The following CSMD1 variants were observed in gnomAD, a reference collection of about 807,000 sequenced individuals.
CSMD1 encodes the protein CUB and Sushi multiple domains 1, also known as CUB and sushi domain-containing protein 1.
Under a neutral mutation model 417.5 loss-of-function variants are expected in CSMD1, and 213 were observed. That is an observed-to-expected ratio of 0.51 (90% CI 0.46 to 0.57). CSMD1 has a LOEUF of 0.57. CSMD1 is among the 20% of genes least tolerant of loss of function. CSMD1 has a pLI of 0.00. For missense variants in CSMD1, 6,923 were observed against 4,529.7 expected (o/e 1.53, Z -15.17); for synonymous variants, 2,862 against 1,736.8 (o/e 1.65, Z -16.11).
At chr8:3,193,620 C>T (rs985755741) in intron 33 of CSMD1, among the ~76,000 whole-genome samples, 7 of 152,186 alleles carry the variant, frequency 4.6e-5, no homozygotes, top group South Asian at 4.2e-4. Flanking sequence ...ATATTTCACA[C>T]TGCTGTGAAG....
chr8:4,449,042 TA>T (rs1003592379), intron 2 of CSMD1, among the ~76,000 whole-genome samples: 79 of 152,262 alleles, frequency 5.2e-4, no homozygotes, highest in African/African-American at 1.9e-3. Context: ...GGTTCTTGAG[TA>T]AAAGGCCCAC....
At chr8:3,390,477 A>T (rs1390317611) in intron 17 of CSMD1, among the ~76,000 whole-genome samples, 1 of 151,802 alleles carries the variant, frequency 6.6e-6, no homozygotes. Flanking sequence ...ACCTTGTGGG[A>T]AAGGTAGGGC....
intron 40 of CSMD1, among the ~76,000 whole-genome samples, chr8:3,146,240 T>A (rs1818836999): frequency 6.6e-6 from 1 of 152,106 alleles, no homozygotes; most frequent in Non-Finnish European, 1.5e-5. Flanking sequence ...CTGTTAACTG[T>A]GCCCTTAGAC....
At chr8:4,176,553 C>A (rs575906620) in intron 3 of CSMD1, among the ~76,000 whole-genome samples, 1 of 151,944 alleles carries the variant, frequency 6.6e-6, no homozygotes, top group Non-Finnish European at 1.5e-5. Flanking sequence ...TACTAATATA[C>A]CCCATTTTGG....
chr8:3,270,237 T>C (rs1801740036), intron 26 of CSMD1, among the ~76,000 whole-genome samples: 1 of 152,140 alleles, frequency 6.6e-6, no homozygotes, highest in Non-Finnish European at 1.5e-5. Context: ...TTTTTATTTT[T>C]AGTAGAGATG....
intron 1 of CSMD1, among the ~76,000 whole-genome samples, chr8:4,709,201 G>C (rs138918249): frequency 1.3e-5 from 2 of 152,278 alleles, no homozygotes; most frequent in East Asian, 1.9e-4. Flanking sequence ...CGAGAGAGAG[G>C]AATTCCTCGA....
At chr8:3,468,402 C>T (rs113623647) in intron 12 of CSMD1, among the ~76,000 whole-genome samples, 19 of 152,242 alleles carry the variant, frequency 1.2e-4, no homozygotes, top group African/African-American at 4.3e-4. Flanking sequence ...TTCAGAGACA[C>T]CAGCCAATAT....
intron 26 of CSMD1, among the ~76,000 whole-genome samples, chr8:3,269,226 T>A (rs1397676223): frequency 2.0e-5 from 3 of 152,244 alleles, no homozygotes; most frequent in Non-Finnish European, 2.9e-5. Context: ...TTTGGGCCTA[T>A]GCTGTTCACA....
intron 2 of CSMD1, among the ~76,000 whole-genome samples, chr8:4,549,167 A>AG (rs1797756852): frequency 6.6e-6 from 1 of 152,148 alleles, no homozygotes; most frequent in Non-Finnish European, 1.5e-5. Flanking sequence ...GACTGACTCA[A>AG]GGGATTCCTC....
chr8:4,138,228 G>A (rs1803557113), intron 3 of CSMD1, among the ~76,000 whole-genome samples: 1 of 122,954 alleles, frequency 8.1e-6, no homozygotes, highest in Non-Finnish European at 1.6e-5. Flanking sequence ...TTTTTTTTCA[G>A]GTCTCTAACT....
chr8:4,405,941 C>T (rs975534753), intron 3 of CSMD1, among the ~76,000 whole-genome samples: 1 of 152,156 alleles, frequency 6.6e-6, no homozygotes, highest in African/African-American at 2.4e-5. Flanking sequence ...AATTAGTATC[C>T]TGAGTAATGC....
intron 3 of CSMD1, among the ~76,000 whole-genome samples, chr8:4,182,535 A>G (rs10503238): frequency 0.3 from 45,473 of 152,068 alleles, 8,651 homozygotes; most frequent in Non-Finnish European, 0.4. Context: ...TGCTCAATCG[A>G]TATTTGTTCC....
At chr8:4,760,369 G>C (rs1397815874) in intron 1 of CSMD1, among the ~76,000 whole-genome samples, 1 of 152,136 alleles carries the variant, frequency 6.6e-6, no homozygotes, top group Non-Finnish European at 1.5e-5. Flanking sequence ...TCGAGGACAT[G>C]TCTGCTGCAC....
At chr8:4,557,692 G>A (rs989016526) in intron 2 of CSMD1, among the ~76,000 whole-genome samples, 2 of 151,906 alleles carry the variant, frequency 1.3e-5, no homozygotes, top group Non-Finnish European at 2.9e-5. Context: ...GGAATAGAAG[G>A]AAGGAAAAAG....
intron 2 of CSMD1, among the ~76,000 whole-genome samples, chr8:4,426,786 T>A (rs1376726590): frequency 6.7e-6 from 1 of 148,658 alleles, no homozygotes; most frequent in Non-Finnish European, 1.5e-5. Flanking sequence ...CAGATGATAT[T>A]ATATAATATA....
chr8:3,319,155 T>A (rs970650252), intron 23 of CSMD1, among the ~76,000 whole-genome samples: 52 of 152,150 alleles, frequency 3.4e-4, no homozygotes, highest in African/African-American at 1.2e-3. Context: ...GCCTAGCTTT[T>A]AAAAAAAATC....
chr8:4,112,570 T>C (rs1325208883), intron 3 of CSMD1, among the ~76,000 whole-genome samples: 1 of 152,136 alleles, frequency 6.6e-6, no homozygotes, highest in African/African-American at 2.4e-5. Flanking sequence ...TTCCCTCTTC[T>C]GGGGAGGCTG....
intron 3 of CSMD1, among the ~76,000 whole-genome samples, chr8:4,109,600 T>G (rs149402101): frequency 3.9e-3 from 597 of 152,296 alleles, no homozygotes; most frequent in African/African-American, 0.013. Flanking sequence ...GCATTTGCCT[T>G]TGGATATTGT....
intron 3 of CSMD1, among the ~76,000 whole-genome samples, chr8:4,299,216 T>C (rs989984853): frequency 2.0e-5 from 3 of 152,220 alleles, no homozygotes; most frequent in South Asian, 2.1e-4. Context: ...CCAGGTAATG[T>C]AAGTCATCAG....
Sources: gnomAD v4.1 joint callset for allele counts (sites outside exome capture counted in the v4.1 genomes callset) on GRCh38, gnomAD v4.1.1 for gene constraint, MANE v1.5 for transcripts, NCBI Gene and HGNC (gene_info 2026-07-23, HGNC 2026-07-21) for gene names.